DNAJC1: variants seen among roughly 807,000 people sequenced by gnomAD.
DNAJC1 encodes the protein DnaJ heat shock protein family (Hsp40) member C1.
Under a neutral mutation model 76.6 loss-of-function variants are expected in DNAJC1, and 58 were observed. That is an observed-to-expected ratio of 0.76 (90% CI 0.61 to 0.94). The LOEUF (loss-of-function observed/expected upper bound fraction) is 0.94, where lower values mean the gene tolerates loss of function less well. Among genes scored for constraint, DNAJC1 ranks in the 40% least tolerant of loss-of-function variants. DNAJC1 has a pLI of 0.00. For synonymous variants in DNAJC1, 258 were observed against 267.9 expected (o/e 0.96, Z 0.36); for missense variants, 689 against 677.3 (o/e 1.02, Z -0.19).
intron 9 of DNAJC1, among the ~76,000 whole-genome samples, chr10:21,777,658 T>C (rs1834469766): frequency 6.6e-6 from 1 of 152,202 alleles, no homozygotes; most frequent in African/African-American, 2.4e-5. Flanking sequence ...TATGCAGGGT[T>C]TGAAATCATG....
In DNAJC1 at chr10:21,813,096, C is replaced by CATATATATATAT. The variant is rs373917334; in HGVS notation, c.979-7009_979-6998dup. Among the ~76,000 whole-genome samples the CATATATATATAT allele has an allele frequency of 8.4e-4, 99 of 117,290 alleles. 1 individual carries two copies. Among genetic ancestry groups the CATATATATATAT allele is most frequent in the Admixed American group, 1.5e-3 (17 of 11,050 alleles). 76.9% of individuals were successfully genotyped at this position (117,290 alleles called of 152,430 possible). ...ATATATATACATATATACACACACA[C>CATATATATATAT]ATATATATATATATATATATACAGC... On this transcript the variant is annotated intron_variant, in intron 8 of 11. Coordinates refer to ENST00000376980, the MANE Select transcript of DNAJC1 (RefSeq NM_022365.4).
intron 7 of DNAJC1, among the ~76,000 whole-genome samples, chr10:21,892,264 T>G (rs1400996809): frequency 6.7e-6 from 1 of 150,280 alleles, no homozygotes; most frequent in Admixed American, 6.6e-5. Context: ...AGAGAAAAAA[T>G]AGGAAATAAA....
At chr10:21,932,574 A>G (rs1180070447) in intron 1 of DNAJC1, among the ~76,000 whole-genome samples, 2 of 152,224 alleles carry the variant, frequency 1.3e-5, no homozygotes, top group African/African-American at 4.8e-5. Flanking sequence ...ATTCTCACTA[A>G]GTGTCTTAAA....
intron 1 of DNAJC1, among the ~76,000 whole-genome samples, chr10:21,995,493 T>G (rs1209989610): frequency 6.6e-6 from 1 of 152,236 alleles, no homozygotes; most frequent in East Asian, 1.9e-4. Context: ...TAGTGGCATC[T>G]TAACGTTGCT....
chr10:21,894,240 A>C (rs1238826756), intron 7 of DNAJC1, among the ~76,000 whole-genome samples: 1 of 152,228 alleles, frequency 6.6e-6, no homozygotes, highest in East Asian at 1.9e-4. Flanking sequence ...AAACATTTCA[A>C]GAATTAATAC....
In DNAJC1 at chr10:21,875,042, G is replaced by A. The variant is rs140083054; in HGVS notation, c.978+7240C>T. Among the ~76,000 whole-genome samples the A allele has an allele frequency of 9.7e-3, 1,476 of 152,066 alleles. 13 individuals carry two copies. The highest frequency in any genetic ancestry group is 0.016 in the Non-Finnish European group (1,085 of 67,980). ...ATTACAGGCACGTACCACCACACAC[G>A]GCTATTTTTTGTGTTTGTAGTAGAG... On this transcript the variant is annotated intron_variant, in intron 8 of 11. Coordinates refer to ENST00000376980, the MANE Select transcript of DNAJC1 (RefSeq NM_022365.4).
intron 5 of DNAJC1, 32 bp from the exon 6 acceptor site, chr10:21,918,904 A>C: frequency 6.8e-7 from 1 of 1,465,558 alleles, no homozygotes; most frequent in Non-Finnish European, 9.6e-7. Flanking sequence ...AACACCATAC[A>C]ACATATGAGG....
chr10:21,837,110 G>A (rs554761574), intron 8 of DNAJC1, among the ~76,000 whole-genome samples: 32 of 152,148 alleles, frequency 2.1e-4, no homozygotes, highest in Non-Finnish European at 1.2e-4. Context: ...ATGGGGTTTC[G>A]CTGTGTTGGC....
intron 3 of DNAJC1, among the ~76,000 whole-genome samples, chr10:21,926,985 G>GA (rs915583490): frequency 6.6e-6 from 1 of 151,904 alleles, no homozygotes; most frequent in African/African-American, 2.4e-5. Context: ...CAAACAAAAA[G>GA]AAAAAAACCT....
chr10:21,863,813 A>G (rs1688583533), intron 8 of DNAJC1, among the ~76,000 whole-genome samples: 1 of 152,164 alleles, frequency 6.6e-6, no homozygotes. Flanking sequence ...GACTAGAAAT[A>G]GAAGTAACTT....
In DNAJC1 at chr10:21,764,680, G is replaced by A. The variant is rs1472256406; in HGVS notation, c.1147+1581C>T. 2.6e-5 allele frequency among the ~76,000 whole-genome samples: 4 copies of A among 152,308 alleles called. No homozygotes were observed. The East Asian group carries it at 7.7e-4, about 29-fold the overall frequency. On this transcript the variant is annotated intron_variant, in intron 10 of 11. Transcript: ENST00000376980. Reference sequence around the variant, plus strand: ...CTGCTTACGGATTCTTTGTTAATTTGTGAACATAATCAGAAGAAATACTTT... The same window carrying A: ...CTGCTTACGGATTCTTTGTTAATTTATGAACATAATCAGAAGAAATACTTT...
rs77585972 is a variant in DNAJC1, at chr10:21,767,181, C to G, written c.1099-872G>C. 2.8e-3 allele frequency among the ~76,000 whole-genome samples: 429 copies of G among 152,216 alleles called. 1 individual carries two copies. Among genetic ancestry groups the G allele is most frequent in the African/African-American group, 0.01 (419 of 41,534 alleles). ...ACCTGGAAGGGAACCCTAAGAGCAT[C>G]TGAGATTGACATTGGAGGAAGAATC... On this transcript the variant is annotated intron_variant, in intron 9 of 11. Transcript: ENST00000376980.
intron 1 of DNAJC1, among the ~76,000 whole-genome samples, chr10:21,958,009 G>A (rs1837720654): frequency 6.6e-6 from 1 of 152,072 alleles, no homozygotes; most frequent in Non-Finnish European, 1.5e-5. Flanking sequence ...GTAATATTCA[G>A]TTTCATATAA....
intron 8 of DNAJC1, among the ~76,000 whole-genome samples, chr10:21,879,474 A>G (rs916978401): frequency 6.6e-6 from 1 of 152,028 alleles, no homozygotes; most frequent in Non-Finnish European, 1.5e-5. Flanking sequence ...AAGTACAAAA[A>G]TCAGCAGGGC....
chr10:21,838,606 C>G (rs1349930714), intron 8 of DNAJC1, among the ~76,000 whole-genome samples: 1 of 151,820 alleles, frequency 6.6e-6, no homozygotes, highest in Non-Finnish European at 1.5e-5. Flanking sequence ...GAGAAACACC[C>G]AAGAATGATC....
chr10:21,865,991 T>C (rs1459954693), intron 8 of DNAJC1: 3 of 151,738 alleles, frequency 2.0e-5, no homozygotes, highest in South Asian at 4.2e-4. Context: ...AAAAATTAGC[T>C]GGGTGTGGTG....
chr10:21,840,739 C>T (rs368111765), intron 8 of DNAJC1, among the ~76,000 whole-genome samples: 6 of 152,024 alleles, frequency 3.9e-5, no homozygotes, highest in East Asian at 3.9e-4. Flanking sequence ...CTTCACAGAA[C>T]TGGAAAAAAA....
chr10:22,001,904 G>GT (rs1831163702), intron 1 of DNAJC1, among the ~76,000 whole-genome samples: 1 of 152,192 alleles, frequency 6.6e-6, no homozygotes, highest in Admixed American at 6.5e-5. Context: ...GATATATAGT[G>GT]TATCTATAAG....
At position 21,776,667 on chromosome 10, in the gene DNAJC1, C is replaced by T. The variant is rs116421508; in HGVS notation, c.1099-10358G>A. Among the ~76,000 whole-genome samples the T allele has an allele frequency of 9.1e-3, 1,384 of 152,208 alleles. 18 individuals are homozygous for T. The highest frequency in any genetic ancestry group is 0.032 in the African/African-American group (1,322 of 41,522). On this transcript the variant is annotated intron_variant, in intron 9 of 11. Coordinates refer to ENST00000376980, the MANE Select transcript of DNAJC1 (RefSeq NM_022365.4). ...CTGGTAGAAAGCAGTGGTGCTCATT[C>T]TTGTTATTTCTCTAATGTCTTTAAA... is the stretch of plus-strand genomic sequence containing the variant.
Sources: gnomAD v4.1 joint callset for allele counts (sites outside exome capture counted in the v4.1 genomes callset) on GRCh38, gnomAD v4.1.1 for gene constraint, MANE v1.5 for transcripts, NCBI Gene and HGNC (gene_info 2026-07-23, HGNC 2026-07-21) for gene names.